Variants in GPC6 observed in about 807,000 individuals in gnomAD.
GPC6 encodes glypican 6, also known as glypican-6.
Under a neutral mutation model 55.2 loss-of-function variants are expected in GPC6, and 14 were observed. The observed-to-expected ratio is 0.25, with a 90% CI of 0.17 to 0.40. The LOEUF (loss-of-function observed/expected upper bound fraction) is 0.40. GPC6 is among the 10% of genes least tolerant of loss of function. The probability of loss-of-function intolerance (pLI) is 1.00; values close to 1 mark genes in which losing one functional copy is unlikely to be tolerated. For synonymous variants in GPC6, 278 were observed against 259.6 expected (o/e 1.07, Z -0.68); for missense variants, 641 against 708.5 (o/e 0.90, Z 1.08).
chr13:93,876,489 C>T (rs1023103660), intron 3 of GPC6, among the ~76,000 whole-genome samples: 25 of 152,108 alleles, frequency 1.6e-4, no homozygotes, highest in African/African-American at 5.1e-4. Flanking sequence ...GTATGAAAGA[C>T]GTATGGTCTA....
At chr13:93,400,479 G>A (rs912393385) in intron 1 of GPC6, among the ~76,000 whole-genome samples, 2 of 150,244 alleles carry the variant, frequency 1.3e-5, no homozygotes, top group Non-Finnish European at 3.0e-5. Flanking sequence ...AGGGTGGGGG[G>A]AGGTGGGGAT....
intron 2 of GPC6, among the ~76,000 whole-genome samples, chr13:93,667,208 C>A (rs937339593): frequency 2.0e-5 from 3 of 151,976 alleles, no homozygotes; most frequent in Non-Finnish European, 4.4e-5. Flanking sequence ...ACATTTATTT[C>A]TTTGAGGATT....
chr13:93,442,770 G>A (rs916208188), intron 1 of GPC6, among the ~76,000 whole-genome samples: 2 of 151,938 alleles, frequency 1.3e-5, no homozygotes, highest in African/African-American at 4.8e-5. Flanking sequence ...TTTCTTTTTG[G>A]ATATTTAATT....
intron 1 of GPC6, among the ~76,000 whole-genome samples, chr13:93,360,678 T>C (rs1594118200): frequency 6.6e-6 from 1 of 152,216 alleles, no homozygotes; most frequent in South Asian, 2.1e-4. Context: ...CTGGTAGTGA[T>C]GGTTGGAGTG....
In GPC6 at chr13:93,839,645, A is replaced by G. The variant is rs142619373; in HGVS notation, c.711+9100A>G. Among the ~76,000 whole-genome samples the G allele has an allele frequency of 7.1e-3, 1,083 of 152,200 alleles. 18 individuals carry two copies. Among genetic ancestry groups the G allele is most frequent in the African/African-American group, 0.025 (1,042 of 41,526 alleles). ...TACAAGTGAGGAGGGTAGGCAAGGTATGTGATACCATGGGCCCAACTTGAA... is the reference window on the plus strand; with the variant it reads ...TACAAGTGAGGAGGGTAGGCAAGGTGTGTGATACCATGGGCCCAACTTGAA... On this transcript the variant is annotated intron_variant, in intron 3 of 8. Transcript: ENST00000377047.
intron 2 of GPC6, among the ~76,000 whole-genome samples, chr13:93,715,717 A>C (rs1186799899): frequency 2.0e-5 from 3 of 151,844 alleles, no homozygotes; most frequent in African/African-American, 7.2e-5. Context: ...CATTTTACTT[A>C]AATTCTGTAT....
chr13:93,916,060 A>G (rs1877273690), intron 3 of GPC6, among the ~76,000 whole-genome samples: 1 of 151,664 alleles, frequency 6.6e-6, no homozygotes, highest in South Asian at 2.1e-4. Context: ...CTAGAAGCCC[A>G]GCATCACGGG....
intron 3 of GPC6, among the ~76,000 whole-genome samples, chr13:94,015,630 C>G (rs745637159): frequency 1.8e-4 from 27 of 151,994 alleles, no homozygotes; most frequent in Admixed American, 5.2e-4. Flanking sequence ...TTCATTTGCT[C>G]TTATATTTAG....
chr13:93,684,802 C>T (rs1881988754), intron 2 of GPC6, among the ~76,000 whole-genome samples: 2 of 152,172 alleles, frequency 1.3e-5, no homozygotes, highest in African/African-American at 4.8e-5. Flanking sequence ...ATTTAAAACT[C>T]TTAACCACAT....
At chr13:94,081,014 G>A (rs1230087405) in intron 4 of GPC6, among the ~76,000 whole-genome samples, 1 of 152,102 alleles carries the variant, frequency 6.6e-6, no homozygotes, top group African/African-American at 2.4e-5. Context: ...AGAATGTTTA[G>A]GACAGTAACA....
chr13:93,473,284 AC>A (rs1298943704), intron 1 of GPC6, among the ~76,000 whole-genome samples: 1 of 152,172 alleles, frequency 6.6e-6, no homozygotes. Flanking sequence ...CTAAGCCCCT[AC>A]TTGTTTCCCC....
chr13:94,397,888 C>T (rs987473393), intron 7 of GPC6, among the ~76,000 whole-genome samples: 10 of 152,168 alleles, frequency 6.6e-5, no homozygotes, highest in African/African-American at 1.9e-4. Context: ...TGAGAGGGAA[C>T]TGGTGGGAGG....
At chr13:93,490,481 C>T (rs9561363) in intron 1 of GPC6, among the ~76,000 whole-genome samples, 7,052 of 29,288 alleles carry the variant, frequency 0.24, 1,020 homozygotes, top group East Asian at 0.67. Flanking sequence ...TTTTTTTCAA[C>T]TTGAGTGATT....
chr13:93,401,306 A>G (rs1310506602), intron 1 of GPC6, among the ~76,000 whole-genome samples: 1 of 151,998 alleles, frequency 6.6e-6, no homozygotes, highest in Non-Finnish European at 1.5e-5. Flanking sequence ...CACAGTGAGG[A>G]CAGTCAACAA....
chr13:94,330,355 A>G (rs557527751), intron 6 of GPC6, among the ~76,000 whole-genome samples: 1 of 152,312 alleles, frequency 6.6e-6, no homozygotes, highest in Non-Finnish European at 1.5e-5. Context: ...AGGAACTCTC[A>G]GTCTTGACTG....
At chr13:93,877,088 A>G (rs1318274140) in intron 3 of GPC6, among the ~76,000 whole-genome samples, 1 of 152,112 alleles carries the variant, frequency 6.6e-6, no homozygotes, top group Non-Finnish European at 1.5e-5. Flanking sequence ...ATAACACTTT[A>G]TAAATTTGAT....
chr13:93,464,507 A>G (rs1177515863), intron 1 of GPC6, among the ~76,000 whole-genome samples: 1 of 152,166 alleles, frequency 6.6e-6, no homozygotes, highest in African/African-American at 2.4e-5. Context: ...AGAAACTGAC[A>G]TTTTTGCTCA....
chr13:94,145,170 T>TGGAC (rs749508976), intron 4 of GPC6, among the ~76,000 whole-genome samples: 9 of 149,732 alleles, frequency 6.0e-5, no homozygotes, highest in Non-Finnish European at 1.0e-4. Context: ...GATGGATGGA[T>TGGAC]GGACGGATGA....
intron 1 of GPC6, among the ~76,000 whole-genome samples, chr13:93,290,849 T>G (rs548193839): frequency 7.9e-5 from 12 of 152,182 alleles, no homozygotes; most frequent in Non-Finnish European, 1.6e-4. Flanking sequence ...GAGAATAAAA[T>G]GTATTTAAGG....
Sources: allele counts gnomAD v4.1 joint callset (sites outside exome capture counted in the v4.1 genomes callset), GRCh38; gene constraint gnomAD v4.1.1; transcripts MANE v1.5; gene names NCBI Gene and HGNC (gene_info 2026-07-23, HGNC 2026-07-21).